P3H2: variants seen among roughly 807,000 people sequenced by gnomAD.
P3H2 encodes the protein leprecan-like 1.
P3H2 carries 80 observed loss-of-function variants against 87.0 expected under a neutral mutation model. The ratio of observed to expected loss-of-function variants is 0.92; its 90% CI spans 0.77 to 1.11. The LOEUF is 1.11. Ranked by LOEUF, P3H2 falls within the 50% of genes least tolerant of loss-of-function variation. P3H2 has a pLI of 0.00. For synonymous variants in P3H2, 367 were observed against 359.3 expected (o/e 1.02, Z -0.24); for missense variants, 1,001 against 923.9 (o/e 1.08, Z -1.08).
chr3:190,045,931 C>T (rs1012369758), intron 1 of P3H2, among the ~76,000 whole-genome samples: 1 of 152,058 alleles, frequency 6.6e-6, no homozygotes, highest in Non-Finnish European at 1.5e-5. Flanking sequence ...ACCATCCTGG[C>T]TAACATGGTG....
chr3:190,083,228 A>G (rs746492264), intron 1 of P3H2, among the ~76,000 whole-genome samples: 1 of 152,162 alleles, frequency 6.6e-6, no homozygotes, highest in Admixed American at 6.5e-5. Flanking sequence ...AAAACATCTT[A>G]TTTTACGGGA....
chr3:189,977,417 C>T (rs1196738720), intron 8 of P3H2, among the ~76,000 whole-genome samples: 1 of 152,174 alleles, frequency 6.6e-6, no homozygotes, highest in African/African-American at 2.4e-5. Flanking sequence ...AGTCCAACAA[C>T]TTTTTGGGAA....
At chr3:190,017,864 G>A (rs931597071) in intron 1 of P3H2, among the ~76,000 whole-genome samples, 3 of 152,212 alleles carry the variant, frequency 2.0e-5, no homozygotes, top group African/African-American at 7.2e-5. Flanking sequence ...CCCCAAGAGG[G>A]CAGAAAAGTG....
At chr3:190,032,085 G>A (rs1445868866) in intron 1 of P3H2, among the ~76,000 whole-genome samples, 1 of 152,184 alleles carries the variant, frequency 6.6e-6, no homozygotes, top group Non-Finnish European at 1.5e-5. Flanking sequence ...TAGCTGGCAT[G>A]AGCTGAAACT....
intron 1 of P3H2, among the ~76,000 whole-genome samples, chr3:190,038,896 A>G (rs1180017540): frequency 6.6e-6 from 1 of 152,222 alleles, no homozygotes; most frequent in Non-Finnish European, 1.5e-5. Flanking sequence ...ATGTTTAAGA[A>G]TTGAGGACTG....
At chr3:189,974,764 T>C (rs1723298465) in intron 8 of P3H2, 79 bp from the exon 9 acceptor site, 2 of 1,566,078 alleles carry the variant, frequency 1.3e-6, no homozygotes, top group African/African-American at 1.4e-5. Flanking sequence ...CAGCTTTCAA[T>C]GTGCAATTCG....
chr3:190,100,617 C>T (rs1239652024), intron 1 of P3H2, among the ~76,000 whole-genome samples: 2 of 152,116 alleles, frequency 1.3e-5, no homozygotes, highest in Admixed American at 6.5e-5. Flanking sequence ...GAGTTAGTAA[C>T]ATAATTAAAA....
chr3:190,025,572 T>C (rs1577280539), intron 1 of P3H2, among the ~76,000 whole-genome samples: 1 of 152,334 alleles, frequency 6.6e-6, no homozygotes. Context: ...AAATTGGCAT[T>C]TGTTAAGAAC....
intron 1 of P3H2, among the ~76,000 whole-genome samples, chr3:190,054,655 C>T (rs898815922): frequency 8.5e-5 from 13 of 152,256 alleles, no homozygotes; most frequent in Admixed American, 2.0e-4. Flanking sequence ...ATTGTTCTCA[C>T]GTTGTACAAT....
chr3:190,072,531 T>C (rs886403914), intron 1 of P3H2, among the ~76,000 whole-genome samples: 2 of 152,150 alleles, frequency 1.3e-5, no homozygotes, highest in African/African-American at 4.8e-5. Flanking sequence ...GCAATTCTAC[T>C]TCTAAGGATG....
In P3H2 at chr3:190,036,494, T is replaced by C. The variant is rs578215286; in HGVS notation, c.481-41052A>G. Among the ~76,000 whole-genome samples, 15 of 152,354 alleles carry C rather than the reference T, an allele frequency of 9.8e-5. No homozygotes were observed. The South Asian group carries it at 3.1e-3, about 32-fold the overall frequency. On this transcript the variant is annotated intron_variant, in intron 1 of 14. Transcript: ENST00000319332. ...ATCACTTTATAGTCGACATGATAAT[T>C]TCATTCTTAACGTAATCTTGTGAGA... is the stretch of plus-strand genomic sequence containing the variant.
intron 1 of P3H2, among the ~76,000 whole-genome samples, chr3:189,998,916 CA>C (rs928521279): frequency 1.3e-5 from 2 of 152,130 alleles, no homozygotes; most frequent in Admixed American, 6.5e-5. Context: ...CCCTCACTTG[CA>C]CACTTCACCA....
rs76638251 is a variant in P3H2 at position 190,105,051 on chromosome 3, G to A, written c.480+15201C>T. Among the ~76,000 whole-genome samples, 1,345 of 152,274 alleles carry A rather than the reference G, an allele frequency of 8.8e-3. 23 individuals are homozygous for A. Among genetic ancestry groups the A allele is most frequent in the African/African-American group, 0.029 (1,204 of 41,558 alleles). On this transcript the variant is annotated intron_variant, in intron 1 of 14. Coordinates refer to ENST00000319332, the MANE Select transcript of P3H2 (RefSeq NM_018192.4). The stretch of plus-strand genomic sequence containing the variant: ...AAAAGACTTTAATGATCCTTTCTGT[G>A]AGTACAAGAGAAATTTTCATTTCAC...
intron 1 of P3H2, among the ~76,000 whole-genome samples, chr3:190,079,069 G>T (rs1369949537): frequency 6.6e-6 from 1 of 152,062 alleles, no homozygotes; most frequent in Non-Finnish European, 1.5e-5. Context: ...AGCCAGGTGT[G>T]GTGGCTCACA....
chr3:190,096,402 C>T (rs780549087), intron 1 of P3H2, among the ~76,000 whole-genome samples: 3 of 152,162 alleles, frequency 2.0e-5, no homozygotes, highest in Non-Finnish European at 4.4e-5. Context: ...CACTTTCTCT[C>T]TCCTGCTTTG....
chr3:189,986,789 G>A lies in P3H2; in HGVS notation c.1187C>T (p.Pro396Leu), dbSNP rs774202013. The change falls in exon 6 of 15, where the codon CCG becomes CTG. Residue 396 changes from proline to leucine, a missense_variant and splice_region_variant. By Grantham distance (98) the Pro-to-Leu change is moderately conservative (BLOSUM62 -3). Coordinates refer to ENST00000319332, the MANE Select transcript of P3H2 (RefSeq NM_018192.4). The part of the protein sequence containing the change: ...AEGLGFSYTE[P>L]NYWIRYGGRQ... ...TAAACGTTTCCTCTTTCCTCTTACC[G>A]GTTCAGTGTATGAAAACCCCAGACC... is the stretch of plus-strand genomic sequence containing the variant. 4 of 1,589,806 alleles carry A rather than the reference G, an allele frequency of 2.5e-6. No homozygotes were observed. Among genetic ancestry groups the A allele is most frequent in the East Asian group, 2.2e-5 (1 of 44,760 alleles).
chr3:190,107,273 C>T (rs113966289), intron 1 of P3H2, among the ~76,000 whole-genome samples: 5,407 of 152,110 alleles, frequency 0.036, 143 homozygotes, highest in Non-Finnish European at 0.055. Flanking sequence ...ACATTTATAC[C>T]TATTGAGGTA....
chr3:190,085,628 C>T (rs1727187538), intron 1 of P3H2, among the ~76,000 whole-genome samples: 1 of 152,096 alleles, frequency 6.6e-6, no homozygotes, highest in Admixed American at 6.6e-5. Context: ...TTTTTCATTG[C>T]TCAATAACAA....
chr3:190,089,483 A>ATTATAT (rs1328625188), intron 1 of P3H2, among the ~76,000 whole-genome samples: 7 of 152,220 alleles, frequency 4.6e-5, no homozygotes, highest in African/African-American at 1.4e-4. Context: ...TCCAGAGACT[A>ATTATAT]GCTCATTAAA....
Sources: allele counts gnomAD v4.1 joint callset (sites outside exome capture counted in the v4.1 genomes callset), GRCh38; gene constraint gnomAD v4.1.1; transcripts MANE v1.5; gene names NCBI Gene and HGNC (gene_info 2026-07-23, HGNC 2026-07-21).